MGAT5B: variants seen among roughly 807,000 people sequenced by gnomAD.
MGAT5B encodes N-acetylglucosaminyl-transferase Vb.
In MGAT5B, 54 loss-of-function variants were observed where a neutral mutation model predicts 95.1. That is an observed-to-expected ratio of 0.57 (90% CI 0.46 to 0.71). The LOEUF is 0.71. MGAT5B is among the 30% of genes least tolerant of loss of function. The pLI is 0.00. For synonymous variants in MGAT5B, 464 were observed against 451.0 expected (o/e 1.03, Z -0.36); for missense variants, 935 against 1,088.6 (o/e 0.86, Z 1.99).
intron 8 of MGAT5B, among the ~76,000 whole-genome samples, chr17:76,919,770 A>G (rs924209208): frequency 6.6e-6 from 1 of 152,218 alleles, no homozygotes; most frequent in Non-Finnish European, 1.5e-5. Context: ...CATAACATAA[A>G]ATGTGCTGCT....
chr17:76,915,582 T>G lies in MGAT5B; in HGVS notation c.1026-9384T>G, dbSNP rs1968901735. Reference sequence around the variant, plus strand: ...TTGATGAGGCTGGGAAGTGGGCGCATTGGAGCATTATATGATTTTCTATAA... The same window carrying G: ...TTGATGAGGCTGGGAAGTGGGCGCAGTGGAGCATTATATGATTTTCTATAA... On this transcript the variant is annotated intron_variant, in intron 8 of 17. Transcript: ENST00000569840. This position sits in a 1 kb window ranked among gnomAD's most constrained non-coding sequence, Gnocchi z 8.7. Among the ~76,000 whole-genome samples the G allele has an allele frequency of 6.6e-6, 1 of 152,118 alleles. No homozygotes were observed. The highest frequency in any genetic ancestry group is 1.5e-5 in the Non-Finnish European group (1 of 68,020).
intron 3 of MGAT5B, among the ~76,000 whole-genome samples, chr17:76,887,497 T>TCCTC (rs1967692644): frequency 3.3e-5 from 1 of 30,614 alleles, no homozygotes; most frequent in Non-Finnish European, 5.5e-5. Flanking sequence ...CTCCCTCCCT[T>TCCTC]CCTCTCTCCC....
intron 13 of MGAT5B, among the ~76,000 whole-genome samples, chr17:76,939,310 C>T (rs546093530): frequency 1.3e-5 from 2 of 151,978 alleles, no homozygotes; most frequent in African/African-American, 2.4e-5. Context: ...CCATCCTGGC[C>T]AACATGGTGA....
Position 76,930,848 on chromosome 17 carries a change from A to C in MGAT5B, c.1292-1797A>C, listed in dbSNP as rs375207756. ...CACCCAAGAGAAGGCTTCCAGGAGG[A>C]GGTGTCGTGTGAGAGGGGCCCCGAA... On this transcript the variant is annotated intron_variant, in intron 10 of 17. Coordinates refer to ENST00000569840, the MANE Select transcript of MGAT5B (RefSeq NM_001199172.2). The surrounding 1 kb of genome is among the most constrained non-coding windows in gnomAD (Gnocchi z 4.1). Among the ~76,000 whole-genome samples, 38 of 152,218 alleles carry C rather than the reference A, an allele frequency of 2.5e-4. No individual in the cohort carries two copies. In the East Asian group the frequency reaches 6.7e-3, roughly 27 times the overall value.
At chr17:76,921,416 G>T (rs1002954442) in intron 8 of MGAT5B, among the ~76,000 whole-genome samples, 3 of 152,200 alleles carry the variant, frequency 2.0e-5, no homozygotes, top group African/African-American at 7.2e-5. Context: ...ACTGAGCAGG[G>T]TGTGCATGGG....
At chr17:76,919,588 C>A (rs1038904777) in intron 8 of MGAT5B, among the ~76,000 whole-genome samples, 4 of 152,156 alleles carry the variant, frequency 2.6e-5, no homozygotes, top group Non-Finnish European at 5.9e-5. Flanking sequence ...TGCCACCATG[C>A]CCGGCTAATT....
rs1259976210 is a variant in MGAT5B at position 76,949,830 on chromosome 17, C to G, written c.*992C>G. On this transcript the variant is annotated 3_prime_UTR_variant, in exon 18 of 18. Transcript: ENST00000569840. ...TTGCAGACAAGGGCTTGGGATGGAC[C>G]CTCAGCCCCATGGTACGCCCTGCCC... 6.6e-6 allele frequency: 1 copy of G among 152,236 alleles called. No individual in the cohort carries two copies. The highest frequency in any genetic ancestry group is 2.4e-5 in the African/African-American group (1 of 41,396). 9.4% of individuals were successfully genotyped at this position (152,236 alleles called of 1,614,324 possible).
At chr17:76,875,964 G>A (rs1010865364) in intron 2 of MGAT5B, among the ~76,000 whole-genome samples, 26 of 152,156 alleles carry the variant, frequency 1.7e-4, no homozygotes, top group African/African-American at 5.8e-4. Context: ...ACTGAAGTCC[G>A]GGAGAAGGAG....
rs1470511134 is a variant in MGAT5B, at chr17:76,889,013, G to A, written c.329+6715G>A. ...TCGGCCTTGGGAAGAGGGGTGGGCG[G>A]TGATCAGAGGCCTCGCTTGGCATTC... On this transcript the variant is annotated intron_variant, in intron 3 of 17. Transcript: ENST00000569840. The surrounding 1 kb of genome is among the most constrained non-coding windows in gnomAD (Gnocchi z 4.4). Among the ~76,000 whole-genome samples, 3 of 152,218 alleles carry A rather than the reference G, an allele frequency of 2.0e-5. No individual in the cohort carries two copies. Among genetic ancestry groups the A allele is most frequent in the Admixed American group, 6.5e-5 (1 of 15,284 alleles).
In MGAT5B at chr17:76,949,025, G is replaced by A. The variant is rs1353810029; in HGVS notation, c.*187G>A. Reference sequence around the variant, plus strand: ...GGAATAGGAGGAGGCAGCATGCCGAGCCCCTGGGACCTCCCAGGCAGGCTC... The same window carrying A: ...GGAATAGGAGGAGGCAGCATGCCGAACCCCTGGGACCTCCCAGGCAGGCTC... On this transcript the variant is annotated 3_prime_UTR_variant, in exon 18 of 18. Transcript: ENST00000569840. 9.9e-6 allele frequency: 7 copies of A among 704,732 alleles called. No homozygotes were observed. The highest frequency in any genetic ancestry group is 5.8e-5 in the South Asian group (3 of 52,162). 43.7% of individuals were successfully genotyped at this position (704,732 alleles called of 1,614,324 possible).
chr17:76,926,731 G>A lies in MGAT5B; in HGVS notation c.1291+1G>A, dbSNP rs749628065. The stretch of plus-strand genomic sequence containing the variant: ...CCCAAGCAGTTCATGACCATGTTTC[G>A]TGAGTGCCCCACAGGGCAGGGGTGG... On this transcript the variant is annotated splice_donor_variant, in intron 10 of 17. Transcript: ENST00000569840. LOFTEE classifies it high-confidence loss of function. 7 of 1,612,464 alleles carry A rather than the reference G, an allele frequency of 4.3e-6. No individual in the cohort carries two copies. The highest frequency in any genetic ancestry group is 5.9e-6 in the Non-Finnish European group (7 of 1,179,830).
chr17:76,875,417 A>G (rs1359766594), intron 2 of MGAT5B, among the ~76,000 whole-genome samples: 4 of 152,070 alleles, frequency 2.6e-5, no homozygotes, highest in African/African-American at 9.7e-5. Context: ...CCATGTGAAG[A>G]AGGACATGTT....
At position 76,897,920 on chromosome 17, in the gene MGAT5B, G is replaced by T. The variant is rs12325766; in HGVS notation, c.330-4635G>T. ...AAAATACAAAAATTAGCCAGGCATG[G>T]TGGCACATGCCTGTAATCCCAGCTA... On this transcript the variant is annotated intron_variant, in intron 3 of 17. Transcript: ENST00000569840. Among the ~76,000 whole-genome samples the T allele has an allele frequency of 6.0e-3, 912 of 151,548 alleles. 8 individuals carry two copies. The highest frequency in any genetic ancestry group is 0.02 in the African/African-American group (840 of 41,320).
chr17:76,945,525 G>A (rs1489309848), intron 15 of MGAT5B, among the ~76,000 whole-genome samples: 1 of 152,172 alleles, frequency 6.6e-6, no homozygotes, highest in African/African-American at 2.4e-5. Flanking sequence ...CTGACCTCAG[G>A]CGATCCGCCC....
chr17:76,948,595 C>A, intron 17 of MGAT5B, 45 bp from the exon 18 acceptor site: 3 of 1,570,900 alleles, frequency 1.9e-6, no homozygotes, highest in Non-Finnish European at 2.6e-6. Flanking sequence ...GCCCTTCTGC[C>A]CAAGTGACCA....
chr17:76,944,988 A>G (rs1044714858), intron 15 of MGAT5B, among the ~76,000 whole-genome samples: 1 of 152,194 alleles, frequency 6.6e-6, no homozygotes, highest in African/African-American at 2.4e-5. Flanking sequence ...GCCACCAGGC[A>G]TGGTGGGGTG....
chr17:76,924,836 A>T, intron 8 of MGAT5B, 130 bp from the exon 9 acceptor site: 1 of 1,185,946 alleles, frequency 8.4e-7, no homozygotes. Flanking sequence ...CATCCTGCTC[A>T]CTTCCTTTCT....
At chr17:76,871,972 C>A (rs959605347) in intron 1 of MGAT5B, among the ~76,000 whole-genome samples, 1 of 152,130 alleles carries the variant, frequency 6.6e-6, no homozygotes, top group South Asian at 2.1e-4. Flanking sequence ...CCCTGCTGTC[C>A]CCCTGGGGTT....
intron 8 of MGAT5B, among the ~76,000 whole-genome samples, chr17:76,909,814 C>A (rs1191624280): frequency 6.6e-6 from 1 of 152,162 alleles, no homozygotes. Flanking sequence ...AGGTTTTCAT[C>A]CCCGTGGCCT....
Sources: gnomAD v4.1 joint callset for allele counts (sites outside exome capture counted in the v4.1 genomes callset) on GRCh38, gnomAD v4.1.1 for gene constraint, Gnocchi (gnomAD v3.1) non-coding constraint, MANE v1.5 for transcripts, NCBI Gene and HGNC (gene_info 2026-07-23, HGNC 2026-07-21) for gene names.